DIAPH3: variants seen among roughly 807,000 people sequenced by gnomAD.
The protein encoded by DIAPH3 is diaphanous related formin 3.
DIAPH3 carries 117 observed loss-of-function variants against 144.3 expected under a neutral mutation model. That is an observed-to-expected ratio of 0.81 (90% confidence interval 0.70 to 0.95). The LOEUF (loss-of-function observed/expected upper bound fraction) is 0.95. DIAPH3 is among the 40% of genes least tolerant of loss of function. The pLI is 0.00. For synonymous variants in DIAPH3, 519 were observed against 488.9 expected (o/e 1.06, Z -0.81); for missense variants, 1,421 against 1,412.7 (o/e 1.01, Z -0.09).
intron 8 of DIAPH3, among the ~76,000 whole-genome samples, chr13:60,009,759 A>C (rs1008376553): frequency 6.6e-6 from 1 of 152,200 alleles, no homozygotes. Flanking sequence ...CTCCAGCAGG[A>C]CCTCCACAAG....
At chr13:59,862,983 C>T (rs1228648232) in intron 21 of DIAPH3, among the ~76,000 whole-genome samples, 1 of 152,036 alleles carries the variant, frequency 6.6e-6, no homozygotes, top group Non-Finnish European at 1.5e-5. Flanking sequence ...CCTTTCCTCC[C>T]AAAGCTAATT....
At chr13:59,706,958 TTTGA>T (rs1042318183) in intron 27 of DIAPH3, among the ~76,000 whole-genome samples, 8 of 152,300 alleles carry the variant, frequency 5.3e-5, no homozygotes, top group Middle Eastern at 3.4e-3. Flanking sequence ...ATGGGAATAG[TTTGA>T]TTGGGTAGAA....
At chr13:59,946,252 C>T (rs544142622) in intron 17 of DIAPH3, among the ~76,000 whole-genome samples, 1 of 152,030 alleles carries the variant, frequency 6.6e-6, no homozygotes, top group Non-Finnish European at 1.5e-5. Context: ...GCATTGTGTT[C>T]CTATTATATT....
intron 20 of DIAPH3, among the ~76,000 whole-genome samples, chr13:59,884,458 A>T (rs2045304978): frequency 6.6e-6 from 1 of 152,140 alleles, no homozygotes; most frequent in Non-Finnish European, 1.5e-5. Context: ...ACTGGTGCTA[A>T]AAAGGTTGAG....
At chr13:59,969,652 C>G (rs1316874858) in intron 17 of DIAPH3, among the ~76,000 whole-genome samples, 1 of 152,148 alleles carries the variant, frequency 6.6e-6, no homozygotes, top group East Asian at 1.9e-4. Context: ...CCAAAACTGT[C>G]ACAGAAAATA....
intron 27 of DIAPH3, among the ~76,000 whole-genome samples, chr13:59,765,533 T>C (rs979009011): frequency 6.6e-6 from 1 of 152,134 alleles, no homozygotes; most frequent in African/African-American, 2.4e-5. Flanking sequence ...GTCACCCTGA[T>C]AGTAAGTAAA....
At chr13:59,729,760 C>G (rs1305121507) in intron 27 of DIAPH3, among the ~76,000 whole-genome samples, 1 of 150,354 alleles carries the variant, frequency 6.7e-6, no homozygotes, top group East Asian at 1.9e-4. Flanking sequence ...AAAACTGGGT[C>G]CAAGGAATCT....
intron 27 of DIAPH3, 141 bp downstream of exon 27, chr13:59,774,048 T>C (rs946303691): frequency 2.4e-6 from 2 of 822,010 alleles, no homozygotes; most frequent in African/African-American, 1.7e-5. Flanking sequence ...CGCAATCTCA[T>C]AGCAAATATG....
At chr13:60,114,076 T>A (rs2058639112) in intron 2 of DIAPH3, among the ~76,000 whole-genome samples, 1 of 152,276 alleles carries the variant, frequency 6.6e-6, no homozygotes, top group Admixed American at 6.5e-5. Context: ...GAGCATGTCA[T>A]AATGCCATCT....
intron 17 of DIAPH3, among the ~76,000 whole-genome samples, chr13:59,936,439 C>T (rs1057115436): frequency 1.3e-5 from 2 of 152,082 alleles, no homozygotes; most frequent in Non-Finnish European, 2.9e-5. Context: ...AGCAGAAAAA[C>T]AAGAGTTCAA....
At chr13:60,130,205 A>C (rs1323627733) in intron 2 of DIAPH3, among the ~76,000 whole-genome samples, 1 of 152,336 alleles carries the variant, frequency 6.6e-6, no homozygotes, top group South Asian at 2.1e-4. Flanking sequence ...TGAATAAGAA[A>C]GAATTTACTC....
chr13:59,911,062 A>G (rs2046974549), intron 20 of DIAPH3, among the ~76,000 whole-genome samples: 1 of 152,094 alleles, frequency 6.6e-6, no homozygotes, highest in Non-Finnish European at 1.5e-5. Flanking sequence ...TAGAGAAACA[A>G]CACTATAGTA....
chr13:59,896,876 C>A (rs1022807721), intron 20 of DIAPH3, among the ~76,000 whole-genome samples: 1 of 152,126 alleles, frequency 6.6e-6, no homozygotes. Flanking sequence ...CACTGTGTCT[C>A]AATATGAGAT....
intron 4 of DIAPH3, among the ~76,000 whole-genome samples, chr13:60,071,994 T>C (rs1282747172): frequency 1.3e-5 from 2 of 152,118 alleles, no homozygotes; most frequent in Admixed American, 6.5e-5. Flanking sequence ...CCCTCACTGC[T>C]AATCACCAAA....
intron 27 of DIAPH3, among the ~76,000 whole-genome samples, chr13:59,683,108 A>G (rs1435557950): frequency 6.6e-6 from 1 of 152,210 alleles, no homozygotes; most frequent in Non-Finnish European, 1.5e-5. Context: ...TGTTTCAGGG[A>G]TATGGCAGAG....
intron 24 of DIAPH3, among the ~76,000 whole-genome samples, chr13:59,825,088 C>T (rs2041310514): frequency 6.6e-6 from 1 of 151,752 alleles, no homozygotes; most frequent in Non-Finnish European, 1.5e-5. Flanking sequence ...GCACAATGTG[C>T]AGGTTAGTTA....
intron 27 of DIAPH3, among the ~76,000 whole-genome samples, chr13:59,710,959 G>A (rs987055778): frequency 1.3e-5 from 2 of 152,166 alleles, no homozygotes; most frequent in Non-Finnish European, 2.9e-5. Context: ...AACACTCAGA[G>A]GATGTAACTG....
At chr13:59,762,052 C>CTTTTTTTTTTTTTT (rs35387511) in intron 27 of DIAPH3, among the ~76,000 whole-genome samples, 4 of 59,520 alleles carry the variant, frequency 6.7e-5, no homozygotes, top group East Asian at 5.1e-4. Flanking sequence ...GCGTCAGCAT[C>CTTTTTTTTTTTTTT]TTTTTTTTTT....
chr13:59,756,526 CAGGGAGGG>C lies in DIAPH3; in HGVS notation c.3319+17655_3319+17662del, dbSNP rs558993505. On this transcript the variant is annotated intron_variant, in intron 27 of 27. Transcript: ENST00000400324. ...GCAGGCAGGCAGGTAGTCAGGCAGG[CAGGGAGGG>C]AGGGAGGGAGGGAGGGAGGAAGGGA... Among the ~76,000 whole-genome samples the C allele has an allele frequency of 3.0e-3, 267 of 87,720 alleles. 1 individual carries two copies. Among genetic ancestry groups the C allele is most frequent in the Non-Finnish European group, 4.7e-3 (228 of 48,438 alleles). The allele number at this position is 87,720 out of a possible 152,430, so 57.5% of individuals were successfully genotyped here.
Sources: gnomAD v4.1 joint callset for allele counts (sites outside exome capture counted in the v4.1 genomes callset) on GRCh38, gnomAD v4.1.1 for gene constraint, MANE v1.5 for transcripts, NCBI Gene and HGNC (gene_info 2026-07-23, HGNC 2026-07-21) for gene names.